Variants in PLCE1 observed in about 807,000 individuals in gnomAD.
The protein encoded by PLCE1 is phospholipase C epsilon 1.
PLCE1 carries 119 observed loss-of-function variants against 242.8 expected under a neutral mutation model. That is an observed-to-expected ratio of 0.49 (90% CI 0.42 to 0.57). The LOEUF is 0.57. Among genes scored for constraint, PLCE1 ranks in the 20% least tolerant of loss-of-function variants. The pLI is 0.00. For missense variants in PLCE1, 2,441 were observed against 2,788.8 expected (o/e 0.88, Z 2.81); for synonymous variants, 945 against 1,017.4 (o/e 0.93, Z 1.35).
rs572662085 is a variant in PLCE1, at chr10:94,111,047, T to C, written c.1207-21127T>C. 3.9e-5 allele frequency among the ~76,000 whole-genome samples: 6 copies of C among 152,342 alleles called. No homozygotes were observed. In the South Asian group the frequency reaches 1.2e-3, roughly 32 times the overall value. The stretch of plus-strand genomic sequence containing the variant: ...AAAATAACGTCTGGTTGAGAACTGC[T>C]GTTCTAGAATCATGCACTGATACAT... On this transcript the variant is annotated intron_variant, in intron 2 of 32. Coordinates refer to ENST00000371380, the MANE Select transcript of PLCE1 (RefSeq NM_016341.4).
At chr10:94,162,907 T>C (rs2047665010) in intron 3 of PLCE1, among the ~76,000 whole-genome samples, 1 of 152,236 alleles carries the variant, frequency 6.6e-6, no homozygotes, top group Non-Finnish European at 1.5e-5. Context: ...CTTCATTTCA[T>C]TATGTACCCA....
rs1031687088 is a variant in PLCE1 at position 94,266,100 on chromosome 10, T to C, written c.4281+142T>C. The C allele has an allele frequency of 3.8e-6, 3 of 781,530 alleles. No homozygotes were observed. In the African/African-American group the frequency reaches 5.2e-5, roughly 14 times the overall value. 48.4% of individuals were successfully genotyped at this position (781,530 alleles called of 1,614,324 possible). A position where few individuals can be genotyped will look rare whatever the true frequency, so the allele number is the denominator to read the frequency against. ...ACATGTCAAATGTGAGGAACCATGA[T>C]GTGTGGGAAAACTGGCTATACTACA... On this transcript the variant is annotated intron_variant, in intron 16 of 32. Coordinates refer to ENST00000371380, the MANE Select transcript of PLCE1 (RefSeq NM_016341.4).
At chr10:94,243,396 G>A (rs568363188) in intron 7 of PLCE1, among the ~76,000 whole-genome samples, 22 of 152,286 alleles carry the variant, frequency 1.4e-4, no homozygotes, top group Admixed American at 5.9e-4. Flanking sequence ...ACAAGTAAAT[G>A]TAATGGGAGA....
chr10:94,138,237 C>T, intron 3 of PLCE1: 1 of 326,512 alleles, frequency 3.1e-6, no homozygotes, highest in Non-Finnish European at 6.0e-6. Flanking sequence ...CCAGGGGGTG[C>T]TGCATATTGA....
intron 2 of PLCE1, among the ~76,000 whole-genome samples, chr10:94,060,442 A>G (rs1322967833): frequency 6.6e-6 from 1 of 152,176 alleles, no homozygotes; most frequent in Admixed American, 6.5e-5. Context: ...TGAAAAATAA[A>G]AGAGTATGGG....
At chr10:94,174,322 A>G (rs568857043) in intron 4 of PLCE1, among the ~76,000 whole-genome samples, 8 of 152,318 alleles carry the variant, frequency 5.3e-5, no homozygotes, top group Non-Finnish European at 7.4e-5. Flanking sequence ...TTATAGAAAA[A>G]TTTCAATTAA....
rs763548147 is a variant in PLCE1 at position 94,275,936 on chromosome 10, G to A, written c.4665+2216G>A. On this transcript the variant is annotated intron_variant, in intron 19 of 32. Transcript: ENST00000371380. ...CATATAGACTGTTCTTATGCCCAGC[G>A]TTCCCATTTTTCCAGATTAACAATG... Among the ~76,000 whole-genome samples the A allele has an allele frequency of 5.3e-5, 8 of 152,194 alleles. No homozygotes were observed. In the South Asian group the frequency reaches 8.3e-4, roughly 16 times the overall value.
chr10:94,002,141 C>G (rs1182899700), intron 1 of PLCE1, among the ~76,000 whole-genome samples: 2 of 152,000 alleles, frequency 1.3e-5, no homozygotes, highest in African/African-American at 2.4e-5. Context: ...TTATTTGAAT[C>G]TAAGAGAAGA....
At chr10:94,155,449 G>C (rs1008901278) in intron 3 of PLCE1, among the ~76,000 whole-genome samples, 5 of 152,164 alleles carry the variant, frequency 3.3e-5, no homozygotes, top group African/African-American at 1.2e-4. Flanking sequence ...GGGACAGAAG[G>C]TAGACTAGTG....
At position 94,184,705 on chromosome 10, in the gene PLCE1, G is replaced by T. The variant is rs191600179; in HGVS notation, c.1809+13209G>T. ...ACACAACCTTTCATTCTGTTCCCTG[G>T]ACATGCCAAGTTAGTTTTCTGTACA... On this transcript the variant is annotated intron_variant, in intron 4 of 32. Transcript: ENST00000371380. 1.3e-3 allele frequency among the ~76,000 whole-genome samples: 195 copies of T among 152,222 alleles called. 1 individual carries two copies. Among genetic ancestry groups the T allele is most frequent in the Non-Finnish European group, 2.6e-3 (175 of 68,020 alleles).
chr10:94,206,422 C>G (rs1490326550), intron 4 of PLCE1, among the ~76,000 whole-genome samples: 2 of 152,190 alleles, frequency 1.3e-5, no homozygotes. Context: ...TTCAATTTTA[C>G]CCAGAATGGT....
chr10:94,047,224 G>A (rs4918043), intron 2 of PLCE1, among the ~76,000 whole-genome samples: 2 of 151,840 alleles, frequency 1.3e-5, no homozygotes, highest in South Asian at 2.1e-4. Flanking sequence ...GCTATAAAAC[G>A]TGGTATACTG....
chr10:94,294,740 G>A (rs1455766330), intron 23 of PLCE1, among the ~76,000 whole-genome samples: 3 of 152,066 alleles, frequency 2.0e-5, no homozygotes, highest in South Asian at 2.1e-4. Flanking sequence ...TTGCCTCAAC[G>A]TTGATGGCTG....
intron 2 of PLCE1, among the ~76,000 whole-genome samples, chr10:94,112,273 C>T (rs530844755): frequency 2.0e-5 from 3 of 152,248 alleles, no homozygotes; most frequent in African/African-American, 7.2e-5. Context: ...TTAAATGTAT[C>T]TCATTTCATG....
At chr10:94,259,571 C>T (rs930704086) in intron 13 of PLCE1, among the ~76,000 whole-genome samples, 2 of 152,204 alleles carry the variant, frequency 1.3e-5, no homozygotes, top group African/African-American at 4.8e-5. Context: ...GCATGAGCCA[C>T]CTCACCTGGC....
At chr10:94,161,869 C>T (rs1343008816) in intron 3 of PLCE1, among the ~76,000 whole-genome samples, 5 of 152,010 alleles carry the variant, frequency 3.3e-5, no homozygotes, top group Admixed American at 2.0e-4. Context: ...GCATGAAGGG[C>T]TGTTGAATTT....
At position 94,246,457 on chromosome 10, in the gene PLCE1, C is replaced by T. The variant is rs777446204; in HGVS notation, c.2932C>T (p.Leu978Phe). ...SETGVTLLYGLQTTDNRLLHF... is the reference protein window; with the variant it reads ...SETGVTLLYGFQTTDNRLLHF... The stretch of plus-strand genomic sequence containing the variant: ...GACTGGTGTGACATTGCTCTATGGG[C>T]TTCAGACCACAGACAACAGATTATT... The change falls in exon 8 of 33, where the codon CTT (leucine) becomes TTT (phenylalanine). Residue 978 changes from leucine to phenylalanine, a missense_variant. Coordinates refer to ENST00000371380, the MANE Select transcript of PLCE1 (RefSeq NM_016341.4). 6.2e-7 allele frequency: 1 copy of T among 1,614,202 alleles called. No homozygotes were observed. The highest frequency in any genetic ancestry group is 8.5e-7 in the Non-Finnish European group (1 of 1,180,026).
intron 4 of PLCE1, among the ~76,000 whole-genome samples, chr10:94,219,714 A>G (rs2049656527): frequency 6.6e-6 from 1 of 152,234 alleles, no homozygotes; most frequent in African/African-American, 2.4e-5. Context: ...AAGAATAGAC[A>G]AAGAATAGAA....
At chr10:94,141,637 GAAA>G in intron 3 of PLCE1, among the ~76,000 whole-genome samples, 4 of 71,628 alleles carry the variant, frequency 5.6e-5, no homozygotes, top group African/African-American at 4.5e-4. Flanking sequence ...AAGGAGGAAA[GAAA>G]GAAGGAAGGA....
Sources: allele counts gnomAD v4.1 joint callset (sites outside exome capture counted in the v4.1 genomes callset), GRCh38; gene constraint gnomAD v4.1.1; transcripts MANE v1.5; gene names NCBI Gene and HGNC (gene_info 2026-07-23, HGNC 2026-07-21).